OGFOD3: variants seen among roughly 807,000 people sequenced by gnomAD.
OGFOD3 encodes the protein 2-oxoglutarate and iron-dependent oxygenase domain-containing protein 3.
In OGFOD3, 35 loss-of-function variants were observed where a neutral mutation model predicts 39.8. The observed-to-expected ratio is 0.88, with a 90% CI of 0.67 to 1.17. The LOEUF (loss-of-function observed/expected upper bound fraction) is 1.17, where lower values mean the gene tolerates loss of function less well. Among genes scored for constraint, OGFOD3 ranks in the 50% most tolerant of loss-of-function variants. The pLI is 0.00. For missense variants in OGFOD3, 438 were observed against 454.5 expected (o/e 0.96, Z 0.33); for synonymous variants, 200 against 192.0 (o/e 1.04, Z -0.34).
Position 82,391,034 on chromosome 17 carries a change from G to A in OGFOD3, c.*1364C>T. ...TCAGAGGCACCTGTGCCAGGGGCTAGGGAACATGGATCTATGCCAGACAGG... is the reference window on the plus strand; with the variant it reads ...TCAGAGGCACCTGTGCCAGGGGCTAAGGAACATGGATCTATGCCAGACAGG... On this transcript the variant is annotated 3_prime_UTR_variant, in exon 9 of 9. Transcript: ENST00000313056. The surrounding 1 kb of genome is among the most constrained non-coding windows in gnomAD (Gnocchi z 5.1). The A allele has an allele frequency of 5.7e-6, 1 of 176,010 alleles. No individual in the cohort carries two copies. Among genetic ancestry groups the A allele is most frequent in the Non-Finnish European group, 1.2e-5 (1 of 82,018 alleles). The allele number at this position is 176,010 out of a possible 1,614,324, so 10.9% of individuals were successfully genotyped here.
At chr17:82,402,403 C>T (rs1032974707) in intron 7 of OGFOD3, among the ~76,000 whole-genome samples, 20 of 150,832 alleles carry the variant, frequency 1.3e-4, no homozygotes, top group African/African-American at 4.2e-4. Flanking sequence ...CAACTGCACT[C>T]CAACCTGGGC....
Position 82,414,888 on chromosome 17 carries a change from C to A in OGFOD3, c.304+510G>T, listed in dbSNP as rs572546086. On this transcript the variant is annotated intron_variant, in intron 2 of 8. Transcript: ENST00000313056. ...GGTGGCCGGCCCGGTCAGACCTGCT[C>A]CGAGGCCGTGCGCTCTCCAAGGTGC... 1.9e-4 allele frequency among the ~76,000 whole-genome samples: 29 copies of A among 152,298 alleles called. 1 individual carries two copies. Among genetic ancestry groups the A allele is most frequent in the African/African-American group, 6.7e-4 (28 of 41,560 alleles).
chr17:82,409,371 T>TC lies in OGFOD3; in HGVS notation c.419dup (p.Gly141ArgfsTer28), dbSNP rs1252008318. The stretch of plus-strand genomic sequence containing the variant: ...GCAGGGACTACATTCAACTCACCCC[T>TC]CCGTCAGATCCTCCCAGGGAGAGCC... On this transcript the variant is annotated frameshift_variant, in exon 4 of 9. Transcript: ENST00000313056. LOFTEE classifies it high-confidence loss of function. The TC allele has an allele frequency of 1.2e-6, 2 of 1,613,930 alleles. No homozygotes were observed. Among genetic ancestry groups the TC allele is most frequent in the Non-Finnish European group, 1.7e-6 (2 of 1,179,870 alleles).
chr17:82,405,286 C>T (rs775318176), intron 6 of OGFOD3, 38 bp downstream of exon 6: 3 of 1,592,154 alleles, frequency 1.9e-6, no homozygotes, highest in South Asian at 1.1e-5. Flanking sequence ...CCCAGGCCAC[C>T]CCGCCTGCGA....
chr17:82,416,194 C>T (rs1032342108), intron 1 of OGFOD3, among the ~76,000 whole-genome samples: 2 of 152,202 alleles, frequency 1.3e-5, no homozygotes, highest in African/African-American at 4.8e-5. Flanking sequence ...CAAGATTGTG[C>T]CATTGCACTC....
At chr17:82,412,499 G>A (rs546074769) in intron 2 of OGFOD3, among the ~76,000 whole-genome samples, 31 of 150,052 alleles carry the variant, frequency 2.1e-4, no homozygotes, top group African/African-American at 3.7e-4. Context: ...CGGCAGTGTC[G>A]TTGGGACAGG....
Position 82,415,011 on chromosome 17 carries a change from G to T in OGFOD3, c.304+387C>A, listed in dbSNP as rs8067613. ...TCTCAGGCCCAGGCAGAACGGGAGC[G>T]GGGGAGGGGAGCTGGGGCACAGGAC... On this transcript the variant is annotated intron_variant, in intron 2 of 8. Transcript: ENST00000313056. This position sits in a 1 kb window ranked among gnomAD's most constrained non-coding sequence, Gnocchi z 5.3. Among the ~76,000 whole-genome samples, 1 of 152,140 alleles carries T rather than the reference G, an allele frequency of 6.6e-6. No homozygotes were observed. The highest frequency in any genetic ancestry group is 6.5e-5 in the Admixed American group (1 of 15,272).
chr17:82,396,241 C>G (rs917576779), intron 8 of OGFOD3, among the ~76,000 whole-genome samples: 1 of 146,584 alleles, frequency 6.8e-6, no homozygotes, highest in African/African-American at 2.5e-5. Context: ...TAGATACACA[C>G]AATTAGACAG....
At chr17:82,403,300 G>A (rs2052795576) in intron 7 of OGFOD3, among the ~76,000 whole-genome samples, 1 of 152,130 alleles carries the variant, frequency 6.6e-6, no homozygotes, top group South Asian at 2.1e-4. Context: ...CAGTGAGATT[G>A]AGGGTGTGCC....
intron 8 of OGFOD3, among the ~76,000 whole-genome samples, chr17:82,397,820 C>T (rs1295918140): frequency 6.6e-6 from 1 of 152,032 alleles, no homozygotes; most frequent in African/African-American, 2.4e-5. Context: ...GCTGGGGCCT[C>T]GTCTAATCTT....
chr17:82,418,414 G>T lies in OGFOD3; in HGVS notation c.72C>A (p.Ser24Arg), dbSNP rs1567878555. The change falls in exon 1 of 9, where the codon AGC becomes AGA. Residue 24 changes from serine (S) to arginine (R), a missense_variant and splice_region_variant. Physicochemically the swap from Ser to Arg is moderately radical, Grantham distance 110. Coordinates refer to ENST00000313056, the MANE Select transcript of OGFOD3 (RefSeq NM_024648.3). ...GNGAAERRNRSSTKKDRAPRE... is the reference protein window; with the variant it reads ...GNGAAERRNRRSTKKDRAPRE... The stretch of plus-strand genomic sequence containing the variant: ...GCCCTTCCCCTCCTCACCGCTACCT[G>T]CTCCGGTTCCGGCGCTCGGCCGCTC... 2 of 1,477,978 alleles carry T rather than the reference G, an allele frequency of 1.4e-6. No homozygotes were observed. Among genetic ancestry groups the T allele is most frequent in the Non-Finnish European group, 1.8e-6 (2 of 1,119,842 alleles). The allele number at this position is 1,477,978 out of a possible 1,614,324, so 91.6% of individuals were successfully genotyped here. A position where few individuals can be genotyped will look rare whatever the true frequency, so the allele number is the denominator to read the frequency against.
intron 8 of OGFOD3, chr17:82,394,256 C>T (rs2052635909): frequency 1.6e-6 from 2 of 1,259,142 alleles, no homozygotes; most frequent in East Asian, 2.4e-5. Context: ...TCCCAAAGTG[C>T]TGGGATTACA....
chr17:82,401,143 C>CATTTT (rs1457097281), intron 7 of OGFOD3: 3 of 115,958 alleles, frequency 2.6e-5, no homozygotes, highest in African/African-American at 9.1e-5. Context: ...CTTGGGTTTA[C>CATTTT]CTTTTTTTTT....
chr17:82,410,124 C>A (rs1195974612), intron 3 of OGFOD3, among the ~76,000 whole-genome samples: 2 of 152,214 alleles, frequency 1.3e-5, no homozygotes, highest in African/African-American at 4.8e-5. Context: ...AAGACACCCA[C>A]ACGCCAGCTG....
intron 7 of OGFOD3, among the ~76,000 whole-genome samples, chr17:82,399,938 C>T (rs560067412): frequency 2.0e-5 from 3 of 152,282 alleles, no homozygotes; most frequent in South Asian, 2.1e-4. Flanking sequence ...GCCGCACCAG[C>T]GCGGAACTGG....
chr17:82,392,483 T>A lies in OGFOD3; in HGVS notation c.875A>T (p.Lys292Met). 2 of 1,608,914 alleles carry A rather than the reference T, an allele frequency of 1.2e-6. No individual in the cohort carries two copies. The highest frequency in any genetic ancestry group is 1.1e-5 in the South Asian group (1 of 89,778). Residue 292 changes from lysine to methionine, a missense_variant, in exon 9 of 9, where the codon AAG (lysine) becomes ATG (methionine). By Grantham distance (95) the Lys-to-Met change is moderately conservative. Transcript: ENST00000313056. This position sits in a 1 kb window ranked among gnomAD's most constrained non-coding sequence, Gnocchi z 4.2. ...GGCGTAACGGGTGCCCCAGTGGACC[T>A]TCTCCACGCGGTGTAGGTTCTCGGA... is the stretch of plus-strand genomic sequence containing the variant. The part of the protein sequence containing the change: ...SGSENLHRVE[K>M]VHWGTRYAIT...
chr17:82,400,900 A>C (rs1428536225), intron 7 of OGFOD3: 1 of 152,236 alleles, frequency 6.6e-6, no homozygotes, highest in Non-Finnish European at 1.5e-5. Context: ...CCTGATGAGC[A>C]GACAAAATTC....
At chr17:82,411,622 C>T (rs2052944767) in intron 2 of OGFOD3, 92 bp from the exon 3 acceptor site, 11 of 942,016 alleles carry the variant, frequency 1.2e-5, no homozygotes, top group Admixed American at 4.0e-5. Context: ...CTAATACGCC[C>T]GGTCAAATGT....
intron 1 of OGFOD3, among the ~76,000 whole-genome samples, chr17:82,417,672 T>C (rs2053087565): frequency 6.6e-6 from 1 of 150,802 alleles, no homozygotes; most frequent in African/African-American, 2.4e-5. Flanking sequence ...TTTAAGATCC[T>C]ATCTAGTAGA....
Sources: gnomAD v4.1 joint callset for allele counts (sites outside exome capture counted in the v4.1 genomes callset) on GRCh38, gnomAD v4.1.1 for gene constraint, Gnocchi (gnomAD v3.1) non-coding constraint, MANE v1.5 for transcripts, NCBI Gene and HGNC (gene_info 2026-07-23, HGNC 2026-07-21) for gene names.